C8A: variants seen among roughly 807,000 people sequenced by gnomAD.
C8A encodes complement component C8 alpha chain.
C8A carries 67 observed loss-of-function variants against 65.3 expected under a neutral mutation model. The observed-to-expected ratio is 1.03, with a 90% confidence interval of 0.84 to 1.26. The LOEUF is 1.26. C8A is among the 50% of genes most tolerant of loss of function. The pLI is 0.00. For missense variants in C8A, 781 were observed against 723.9 expected (o/e 1.08, Z -0.90); for synonymous variants, 290 against 259.4 (o/e 1.12, Z -1.13).
chr1:56,890,081 A>T (rs1055420611), intron 7 of C8A, among the ~76,000 whole-genome samples: 1 of 152,070 alleles, frequency 6.6e-6, no homozygotes, highest in East Asian at 1.9e-4. Context: ...TGTATTTCGC[A>T]TTCTGACTTC....
At chr1:56,904,039 A>T (rs570366533) in intron 7 of C8A, among the ~76,000 whole-genome samples, 1 of 152,308 alleles carries the variant, frequency 6.6e-6, no homozygotes, top group East Asian at 1.9e-4. Flanking sequence ...TTCCATGAAT[A>T]TAGTCAGTCT....
At position 56,881,368 on chromosome 1, in the gene C8A, A is replaced by G. The variant is rs537753844; in HGVS notation, c.465-77A>G. The G allele has an allele frequency of 1.6e-3, 2,317 of 1,416,520 alleles. 45 individuals carry two copies. The South Asian group carries it at 0.026, about 16-fold the overall frequency. The allele number at this position is 1,416,520 out of a possible 1,614,324, so 87.7% of individuals were successfully genotyped here. ...GGTAAACGTGTGCCATGGTGGTTTA[A>G]TATACAGATCATCCCATCACCCAGG... On this transcript the variant is annotated intron_variant, in intron 4 of 10. Transcript: ENST00000361249.
intron 7 of C8A, among the ~76,000 whole-genome samples, chr1:56,886,695 G>T (rs369025194): frequency 2.0e-5 from 3 of 152,174 alleles, no homozygotes; most frequent in African/African-American, 4.8e-5. Context: ...GCTCCTAAAT[G>T]GTCTCTGGGG....
At chr1:56,879,814 A>G (rs1269702890) in intron 4 of C8A, among the ~76,000 whole-genome samples, 1 of 152,148 alleles carries the variant, frequency 6.6e-6, no homozygotes, top group East Asian at 1.9e-4. Flanking sequence ...CATACATTGA[A>G]TTTCTACAAT....
intron 2 of C8A, among the ~76,000 whole-genome samples, chr1:56,868,433 A>T (rs1292656622): frequency 6.6e-6 from 1 of 151,516 alleles, no homozygotes; most frequent in African/African-American, 2.4e-5. Flanking sequence ...ACATAGCAAG[A>T]CTTAGTCTCT....
At chr1:56,890,484 C>T (rs1441616354) in intron 7 of C8A, among the ~76,000 whole-genome samples, 8 of 152,168 alleles carry the variant, frequency 5.3e-5, no homozygotes, top group Admixed American at 5.2e-4. Context: ...TCCTCTTTTA[C>T]TTCCTGGCCC....
At chr1:56,915,841 G>T (rs1644546442) in intron 10 of C8A, among the ~76,000 whole-genome samples, 1 of 152,166 alleles carries the variant, frequency 6.6e-6, no homozygotes, top group Non-Finnish European at 1.5e-5. Context: ...AGGAAATTTG[G>T]GGAATGAGAG....
At chr1:56,891,981 C>A (rs1381243592) in intron 7 of C8A, among the ~76,000 whole-genome samples, 1 of 152,080 alleles carries the variant, frequency 6.6e-6, no homozygotes, top group African/African-American at 2.4e-5. Flanking sequence ...TTGTATCTAG[C>A]ACAAGGCTGG....
chr1:56,916,208 C>G (rs769863006), intron 10 of C8A, among the ~76,000 whole-genome samples: 1 of 152,192 alleles, frequency 6.6e-6, no homozygotes, highest in African/African-American at 2.4e-5. Flanking sequence ...GGGCTGCTCC[C>G]AAGGTCCCAT....
intron 7 of C8A, among the ~76,000 whole-genome samples, chr1:56,894,167 G>T (rs1644370507): frequency 1.3e-5 from 2 of 152,100 alleles, no homozygotes; most frequent in South Asian, 4.1e-4. Context: ...CCATCTCCCA[G>T]AGTTCTGCAA....
intron 7 of C8A, among the ~76,000 whole-genome samples, chr1:56,904,422 C>T (rs906727060): frequency 6.6e-6 from 1 of 152,172 alleles, no homozygotes; most frequent in African/African-American, 2.4e-5. Context: ...CAGGATCTTA[C>T]CTTTGCAGTT....
At chr1:56,874,271 G>A (rs1463777699) in intron 2 of C8A, among the ~76,000 whole-genome samples, 2 of 152,196 alleles carry the variant, frequency 1.3e-5, no homozygotes, top group Non-Finnish European at 2.9e-5. Flanking sequence ...CAGATGTGAT[G>A]CTTTGGTGAA....
At chr1:56,875,716 A>AGGTG (rs1644192150) in intron 3 of C8A, among the ~76,000 whole-genome samples, 1 of 152,112 alleles carries the variant, frequency 6.6e-6, no homozygotes, top group South Asian at 2.1e-4. Context: ...ATGGGTAGGT[A>AGGTG]GGTGATGGGC....
At chr1:56,891,161 G>A (rs1644342141) in intron 7 of C8A, among the ~76,000 whole-genome samples, 1 of 152,116 alleles carries the variant, frequency 6.6e-6, no homozygotes, top group Admixed American at 6.6e-5. Flanking sequence ...TTGAGGAAGT[G>A]AAATCCAAAC....
chr1:56,915,564 G>A (rs1385934325), intron 10 of C8A, among the ~76,000 whole-genome samples: 1 of 152,196 alleles, frequency 6.6e-6, no homozygotes, highest in Non-Finnish European at 1.5e-5. Flanking sequence ...TTCCCAAGGG[G>A]ACCAAAGATC....
At chr1:56,904,024 T>A (rs963711193) in intron 7 of C8A, among the ~76,000 whole-genome samples, 1 of 152,200 alleles carries the variant, frequency 6.6e-6, no homozygotes, top group Non-Finnish European at 1.5e-5. Context: ...CAGAGGATTG[T>A]CTAGTTCCAT....
intron 9 of C8A, among the ~76,000 whole-genome samples, chr1:56,911,277 C>T (rs927873582): frequency 1.3e-5 from 2 of 152,164 alleles, no homozygotes; most frequent in South Asian, 2.1e-4. Flanking sequence ...AAGTGAGTCA[C>T]ATTTACTTAG....
At chr1:56,904,102 T>C (rs1164888142) in intron 7 of C8A, among the ~76,000 whole-genome samples, 1 of 152,202 alleles carries the variant, frequency 6.6e-6, no homozygotes, top group Non-Finnish European at 1.5e-5. Flanking sequence ...TCCAGACCTT[T>C]CTCTGTTCCT....
chr1:56,885,105 T>G (rs1277553580), intron 6 of C8A, among the ~76,000 whole-genome samples: 5 of 151,606 alleles, frequency 3.3e-5, no homozygotes, highest in Non-Finnish European at 7.4e-5. Flanking sequence ...ACCATTGTAG[T>G]AGCTCACCCA....
Sources: gnomAD v4.1 joint callset for allele counts (sites outside exome capture counted in the v4.1 genomes callset) on GRCh38, gnomAD v4.1.1 for gene constraint, MANE v1.5 for transcripts, NCBI Gene and HGNC (gene_info 2026-07-23, HGNC 2026-07-21) for gene names.